Variants in CUL5 observed in about 807,000 individuals in gnomAD.
CUL5 encodes cullin 5, also known as cullin-5.
A neutral mutation model predicts 108.8 loss-of-function variants in CUL5; 26 were observed. The ratio of observed to expected loss-of-function variants is 0.24; its 90% confidence interval spans 0.18 to 0.33. The LOEUF (loss-of-function observed/expected upper bound fraction) is 0.33. Among genes scored for constraint, CUL5 ranks in the 10% least tolerant of loss-of-function variants. The pLI, the probability that CUL5 is intolerant of heterozygous loss-of-function variation, is 1.00. For missense variants in CUL5, 524 were observed against 909.2 expected (o/e 0.58, Z 5.45); for synonymous variants, 334 against 298.0 (o/e 1.12, Z -1.25).
chr11:108,041,707 C>T (rs757191940), intron 2 of CUL5, among the ~76,000 whole-genome samples: 17 of 152,172 alleles, frequency 1.1e-4, no homozygotes, highest in African/African-American at 4.1e-4. Flanking sequence ...TCTCCTGCCT[C>T]AGCCTCCCAA....
intron 11 of CUL5, among the ~76,000 whole-genome samples, chr11:108,088,047 G>A (rs1864264488): frequency 6.8e-6 from 1 of 147,656 alleles, no homozygotes; most frequent in Admixed American, 6.8e-5. Flanking sequence ...TTCATTTATA[G>A]TTTTTTTTTT....
At chr11:108,055,012 G>GT in intron 7 of CUL5, 57 bp downstream of exon 7, 1 of 1,172,918 alleles carries the variant, frequency 8.5e-7, no homozygotes. Context: ...GGAAGCATAG[G>GT]AATGGCAAAT....
Position 108,033,786 on chromosome 11 carries a change from CTTT to C in CUL5, c.25-7_25-5del, listed in dbSNP as rs564647946. ...GCATTTAAATTAAACTCCCTTTTAT[CTTT>C]TTTTTTTTCAAGAATAAAGGTTCTC... On this transcript the variant is annotated splice_polypyrimidine_tract_variant and intron_variant, in intron 1 of 18. Transcript: ENST00000393094. The C allele has an allele frequency of 8.7e-7, 1 of 1,152,406 alleles. No individual in the cohort carries two copies. Among genetic ancestry groups the C allele is most frequent in the South Asian group, 1.6e-5 (1 of 62,712 alleles). 71.4% of individuals were successfully genotyped at this position (1,152,406 alleles called of 1,614,324 possible). A position where few individuals can be genotyped will look rare whatever the true frequency, so the allele number is the denominator to read the frequency against.
At chr11:108,032,916 T>C (rs1862630430) in intron 1 of CUL5, among the ~76,000 whole-genome samples, 1 of 152,146 alleles carries the variant, frequency 6.6e-6, no homozygotes, top group African/African-American at 2.4e-5. Flanking sequence ...TTTGTGAGTT[T>C]AGGACAACTA....
At chr11:108,097,992 T>G (rs144385228) in intron 17 of CUL5, among the ~76,000 whole-genome samples, 2 of 152,352 alleles carry the variant, frequency 1.3e-5, no homozygotes, top group African/African-American at 4.8e-5. Context: ...ATCTTTCAGG[T>G]TGATATCTTT....
intron 3 of CUL5, 168 bp downstream of exon 3, chr11:108,046,537 A>AT (rs1338571512): frequency 1.1e-5 from 6 of 535,268 alleles, no homozygotes; most frequent in African/African-American, 5.7e-5. Flanking sequence ...TAGTTGGATT[A>AT]TTTTTTTCCC....
chr11:108,019,252 G>C (rs1862273833), intron 1 of CUL5, among the ~76,000 whole-genome samples: 1 of 152,092 alleles, frequency 6.6e-6, no homozygotes, highest in African/African-American at 2.4e-5. Context: ...CAGATACCAA[G>C]GGACAACTGT....
intron 11 of CUL5, among the ~76,000 whole-genome samples, chr11:108,079,478 T>C (rs1565261980): frequency 6.6e-6 from 1 of 152,210 alleles, no homozygotes; most frequent in African/African-American, 2.4e-5. Context: ...AAATATGTTA[T>C]CTCCTTATAT....
rs902188357 is a variant in CUL5, at chr11:108,094,533, A to G, written c.1567+19A>G. ...TTACCAGGTATTATTTTATAATTAC[A>G]TGTATATATTTTTTAAACTTAGAAG... On this transcript the variant is annotated intron_variant, in intron 14 of 18. Transcript: ENST00000393094. The G allele has an allele frequency of 2.4e-6, 3 of 1,238,790 alleles. No individual in the cohort carries two copies. Among genetic ancestry groups the G allele is most frequent in the South Asian group, 1.5e-5 (1 of 65,462 alleles). The allele number at this position is 1,238,790 out of a possible 1,614,324, so 76.7% of individuals were successfully genotyped here.
At chr11:108,014,888 T>C (rs1435312784) in intron 1 of CUL5, among the ~76,000 whole-genome samples, 1 of 151,930 alleles carries the variant, frequency 6.6e-6, no homozygotes, top group Admixed American at 6.6e-5. Context: ...GGTGCTCTTA[T>C]TATTATTATT....
chr11:108,029,253 C>T (rs1023864785), intron 1 of CUL5, among the ~76,000 whole-genome samples: 8 of 151,592 alleles, frequency 5.3e-5, no homozygotes, highest in Non-Finnish European at 1.2e-4. Context: ...TGTTGGCTTC[C>T]CCACGGCCCA....
At chr11:108,058,738 C>A (rs1419839800) in intron 7 of CUL5, among the ~76,000 whole-genome samples, 1 of 151,928 alleles carries the variant, frequency 6.6e-6, no homozygotes, top group African/African-American at 2.4e-5. Flanking sequence ...TTAAGTGTTG[C>A]ATTAGATGTC....
chr11:108,102,971 T>C (rs111881191), intron 18 of CUL5, among the ~76,000 whole-genome samples: 8 of 151,892 alleles, frequency 5.3e-5, no homozygotes, highest in African/African-American at 1.9e-4. Context: ...AATTTTTGTA[T>C]TTTTTATAGA....
At chr11:108,012,086 A>G (rs752216993) in intron 1 of CUL5, among the ~76,000 whole-genome samples, 10 of 152,208 alleles carry the variant, frequency 6.6e-5, no homozygotes, top group Non-Finnish European at 1.3e-4. Flanking sequence ...GTATCTCTGA[A>G]AACCTTTCCA....
intron 7 of CUL5, among the ~76,000 whole-genome samples, chr11:108,058,804 A>C (rs1049448835): frequency 1.3e-5 from 2 of 152,096 alleles, no homozygotes; most frequent in African/African-American, 4.8e-5. Context: ...CTTAGACCCT[A>C]CTTAGATCTG....
At chr11:108,034,110 T>G (rs1862664399) in intron 2 of CUL5, among the ~76,000 whole-genome samples, 199 bp downstream of exon 2, 1 of 152,166 alleles carries the variant, frequency 6.6e-6, no homozygotes, top group African/African-American at 2.4e-5. Context: ...ACAATCATAC[T>G]CACAGCTTTG....
At chr11:108,102,185 CTATTTTTTG>C (rs1317345410) in intron 18 of CUL5, among the ~76,000 whole-genome samples, 4 of 152,068 alleles carry the variant, frequency 2.6e-5, no homozygotes, top group Non-Finnish European at 4.4e-5. Context: ...CCACACTGAG[CTATTTTTTG>C]TATTTTTTGT....
intron 1 of CUL5, among the ~76,000 whole-genome samples, chr11:108,027,392 C>A (rs1220940365): frequency 6.6e-6 from 1 of 152,072 alleles, no homozygotes; most frequent in African/African-American, 2.4e-5. Flanking sequence ...CCACCTCAGC[C>A]TCCTGAGTAG....
chr11:108,085,680 A>G (rs528939088), intron 11 of CUL5, among the ~76,000 whole-genome samples: 1 of 152,310 alleles, frequency 6.6e-6, no homozygotes, highest in African/African-American at 2.4e-5. Context: ...GCTAAGTAAA[A>G]GAAGTGGGTC....
Sources: allele counts gnomAD v4.1 joint callset (sites outside exome capture counted in the v4.1 genomes callset), GRCh38; gene constraint gnomAD v4.1.1; transcripts MANE v1.5; gene names NCBI Gene and HGNC (gene_info 2026-07-23, HGNC 2026-07-21).